ABCA12: variants seen among roughly 807,000 people sequenced by gnomAD.
ABCA12 encodes the protein glucosylceramide transporter ABCA12.
A neutral mutation model predicts 293.5 loss-of-function variants in ABCA12; 156 were observed. The ratio of observed to expected loss-of-function variants is 0.53; its 90% confidence interval spans 0.47 to 0.61. The LOEUF is 0.61. ABCA12 is among the 20% of genes least tolerant of loss of function. The pLI, the probability that ABCA12 is intolerant of heterozygous loss-of-function variation, is 0.00. For missense variants in ABCA12, 2,797 were observed against 3,090.2 expected, an observed-to-expected ratio of 0.91 and a Z score of 2.25; for synonymous variants, 1,063 against 1,108.0, an observed-to-expected ratio of 0.96 and a Z score of 0.81.
intron 8 of ABCA12, 59 bp from the exon 9 acceptor site, chr2:215,031,955 C>G (rs767260664): frequency 4.4e-6 from 7 of 1,608,140 alleles, no homozygotes; most frequent in Non-Finnish European, 5.9e-6. Context: ...AGATTTTTTT[C>G]CTCAGTGAAA....
chr2:214,950,569 A>G (rs1372339298), intron 45 of ABCA12, among the ~76,000 whole-genome samples: 2 of 151,096 alleles, frequency 1.3e-5, no homozygotes, highest in African/African-American at 4.9e-5. Flanking sequence ...CAGTGATACA[A>G]TCTTGGCTCA....
chr2:214,982,180 C>T lies in ABCA12; in HGVS notation c.4579+7G>A. The stretch of plus-strand genomic sequence containing the variant: ...TGGGTGGAGAAGTTCTGAGAAACTA[C>T]TCATACCAGTTTTGTTCTTGGATAT... On this transcript the variant is annotated splice_region_variant and intron_variant, in intron 30 of 52. Transcript: ENST00000272895. 1 of 1,613,438 alleles carries T rather than the reference C, an allele frequency of 6.2e-7. No homozygotes were observed. Among genetic ancestry groups the T allele is most frequent in the Non-Finnish European group, 8.5e-7 (1 of 1,179,632 alleles).
chr2:214,991,177 C>T, intron 23 of ABCA12, 146 bp from the exon 24 acceptor site: 2 of 745,364 alleles, frequency 2.7e-6, no homozygotes, highest in South Asian at 1.6e-5. Flanking sequence ...AAGAATTTAT[C>T]CATGCTTGCT....
chr2:215,079,224 T>C (rs1342304196), intron 2 of ABCA12, among the ~76,000 whole-genome samples: 12 of 152,192 alleles, frequency 7.9e-5, no homozygotes, highest in African/African-American at 2.9e-4. Context: ...AGGTGAAAGA[T>C]GCAAGAAGGT....
intron 49 of ABCA12, among the ~76,000 whole-genome samples, chr2:214,943,511 A>G (rs1698477033): frequency 6.6e-6 from 1 of 152,126 alleles, no homozygotes; most frequent in Admixed American, 6.6e-5. Context: ...ATCTCTTAAA[A>G]TATAAATTAA....
At chr2:215,024,885 A>G (rs1482434196) in intron 11 of ABCA12, among the ~76,000 whole-genome samples, 1 of 152,200 alleles carries the variant, frequency 6.6e-6, no homozygotes, top group African/African-American at 2.4e-5. Flanking sequence ...CATGAGATAA[A>G]GAATAATAGA....
intron 39 of ABCA12, among the ~76,000 whole-genome samples, chr2:214,964,925 C>A (rs1699217177): frequency 6.6e-6 from 1 of 152,008 alleles, no homozygotes; most frequent in Non-Finnish European, 1.5e-5. Context: ...CTAAGACAAT[C>A]CTAAGTAAAA....
At chr2:214,968,553 A>G (rs998768973) in intron 38 of ABCA12, among the ~76,000 whole-genome samples, 167 bp downstream of exon 38, 1 of 152,134 alleles carries the variant, frequency 6.6e-6, no homozygotes, top group African/African-American at 2.4e-5. Flanking sequence ...TAATGTGTAC[A>G]TGCTTCCCTA....
At position 215,026,872 on chromosome 2, in the gene ABCA12, A is replaced by G; in HGVS notation, c.1128T>C (p.Pro376=). 1.9e-6 allele frequency: 3 copies of G among 1,613,816 alleles called. No individual in the cohort carries two copies. The highest frequency in any genetic ancestry group is 2.5e-6 in the Non-Finnish European group (3 of 1,179,714). ...LNISANSPYI[P]YLACVRNVTD... ...TCACATTTCTCACACATGCCAAGTA[A>G]GGAATATAAGGACTATTTGCTGATA... The change falls in exon 10 of 53, where the codon CCT becomes CCC. Residue 376 remains proline (P), a synonymous_variant. Transcript: ENST00000272895.
At chr2:214,983,941 T>A in intron 28 of ABCA12, 76 bp from the exon 29 acceptor site, 1 of 1,325,472 alleles carries the variant, frequency 7.5e-7, no homozygotes, top group Admixed American at 2.0e-5. Context: ...ATATCTCAGT[T>A]GTTAGAAGGA....
At chr2:215,137,401 T>C (rs12464205) in intron 1 of ABCA12, among the ~76,000 whole-genome samples, 40,543 of 152,140 alleles carry the variant, frequency 0.27, 6,557 homozygotes, top group East Asian at 0.64. Context: ...TTCTTCTGAA[T>C]ATATAACAAC....
At chr2:215,099,328 G>A (rs1209483052) in intron 2 of ABCA12, among the ~76,000 whole-genome samples, 1 of 152,194 alleles carries the variant, frequency 6.6e-6, no homozygotes, top group East Asian at 1.9e-4. Context: ...GATGACTGAC[G>A]TCCTAGCCCA....
At chr2:215,056,438 T>C (rs1701422140) in intron 3 of ABCA12, among the ~76,000 whole-genome samples, 1 of 152,096 alleles carries the variant, frequency 6.6e-6, no homozygotes, top group Non-Finnish European at 1.5e-5. Context: ...GCACAGCAGC[T>C]CCCATTCTAA....
Position 215,048,811 on chromosome 2 carries a change from T to C in ABCA12, c.693+815A>G, listed in dbSNP as rs148471414. 5.4e-3 allele frequency among the ~76,000 whole-genome samples: 821 copies of C among 152,294 alleles called. 5 individuals carry two copies. The highest frequency in any genetic ancestry group is 0.019 in the African/African-American group (786 of 41,552). ...AATGTGGTACATATACACTGCGGAATACTATGCAGCCATAACAAAGAATGA... is the reference window on the plus strand; with the variant it reads ...AATGTGGTACATATACACTGCGGAACACTATGCAGCCATAACAAAGAATGA... On this transcript the variant is annotated intron_variant, in intron 6 of 52. Coordinates refer to ENST00000272895, the MANE Select transcript of ABCA12 (RefSeq NM_173076.3).
rs532721548 is a variant in ABCA12, at chr2:215,000,938, T to C, written c.2946A>G (p.Lys982=). The part of the protein sequence containing the change: ...SGNVFLPPVI[K]YTIRMSLKTA... ...TCTTGAGACTCATCCGGATGGTATA[T>C]TTTATGACAGGAGGAAGAAAGACAT... Residue 982 remains lysine, a synonymous_variant, in exon 22 of 53, where the codon AAA becomes AAG. Transcript: ENST00000272895. 1 of 1,614,018 alleles carries C rather than the reference T, an allele frequency of 6.2e-7. No individual in the cohort carries two copies. Among genetic ancestry groups the C allele is most frequent in the South Asian group, 1.1e-5 (1 of 91,082 alleles).
intron 30 of ABCA12, 96 bp downstream of exon 30, chr2:214,982,091 C>T (rs1338213294): frequency 7.0e-6 from 9 of 1,291,138 alleles, no homozygotes; most frequent in South Asian, 4.9e-5. Flanking sequence ...GGATTATAGG[C>T]GTGAGCCACT....
chr2:215,096,542 G>C (rs1341982452), intron 2 of ABCA12, among the ~76,000 whole-genome samples: 2 of 152,310 alleles, frequency 1.3e-5, no homozygotes, highest in Admixed American at 1.3e-4. Context: ...AGCCAGAAGA[G>C]TGTTTTTATT....
chr2:215,094,138 A>G (rs1702203523), intron 2 of ABCA12, among the ~76,000 whole-genome samples: 1 of 152,174 alleles, frequency 6.6e-6, no homozygotes, highest in Non-Finnish European at 1.5e-5. Flanking sequence ...CTGACTCTAA[A>G]TATGCCTTCC....
chr2:215,018,071 T>C lies in ABCA12; in HGVS notation c.1719A>G (p.Thr573=). 1.9e-6 allele frequency: 3 copies of C among 1,614,180 alleles called. No individual in the cohort carries two copies. Among genetic ancestry groups the C allele is most frequent in the Admixed American group, 1.7e-5 (1 of 60,028 alleles). Residue 573 remains threonine, a synonymous_variant, in exon 14 of 53, where the codon ACA becomes ACG. Transcript: ENST00000272895. The stretch of plus-strand genomic sequence containing the variant: ...TGTCAATAGTCCTGTTGGACATTCC[T>C]GTTGTTCTCCTTAAATCTTCTTTCA... The part of the protein sequence containing the change: ...EELKEDLRRT[T]GMSNRTIDKL...
Sources: gnomAD v4.1 joint callset for allele counts (sites outside exome capture counted in the v4.1 genomes callset) on GRCh38, gnomAD v4.1.1 for gene constraint, MANE v1.5 for transcripts, NCBI Gene and HGNC (gene_info 2026-07-23, HGNC 2026-07-21) for gene names.